PTTG1IP2: variants seen among roughly 807,000 people sequenced by gnomAD.
The protein encoded by PTTG1IP2 is PTTG1IP family member 2.
chr7:90,473,542 T>C (rs185423678), intron 1 of PTTG1IP2, among the ~76,000 whole-genome samples: 1 of 152,302 alleles, frequency 6.6e-6, no homozygotes, highest in East Asian at 1.9e-4. Flanking sequence ...GATGAATTAA[T>C]TGACTGAACT....
intron 2 of PTTG1IP2, among the ~76,000 whole-genome samples, chr7:90,485,328 T>C (rs974199723): frequency 3.9e-5 from 6 of 152,158 alleles, no homozygotes; most frequent in African/African-American, 1.2e-4. Context: ...TCAACTGCAA[T>C]TGGACTTACC....
At chr7:90,481,474 G>A (rs1797814655) in intron 2 of PTTG1IP2, among the ~76,000 whole-genome samples, 1 of 152,018 alleles carries the variant, frequency 6.6e-6, no homozygotes, top group South Asian at 2.1e-4. Context: ...ACTTGCTTTT[G>A]GTTAGCAATA....
At chr7:90,497,715 T>TAAAAAAAAAAAAAAA (rs1261744146) in intron 6 of PTTG1IP2, among the ~76,000 whole-genome samples, 2 of 56,314 alleles carry the variant, frequency 3.6e-5, no homozygotes, top group Non-Finnish European at 6.4e-5. Context: ...AGACCCTGTA[T>TAAAAAAAAAAAAAAA]AAAAAAAAAA....
chr7:90,499,405 A>G (rs1798035378), intron 6 of PTTG1IP2, among the ~76,000 whole-genome samples: 1 of 151,974 alleles, frequency 6.6e-6, no homozygotes, highest in Non-Finnish European at 1.5e-5. Context: ...TTGTTTTCCA[A>G]CTTTTGTACC....
intron 2 of PTTG1IP2, among the ~76,000 whole-genome samples, chr7:90,482,817 A>C (rs1202671923): frequency 6.6e-6 from 1 of 152,088 alleles, no homozygotes; most frequent in Non-Finnish European, 1.5e-5. Flanking sequence ...CCATAATCAC[A>C]TCTTTCTCAC....
At chr7:90,485,367 C>T (rs909854407) in intron 2 of PTTG1IP2, among the ~76,000 whole-genome samples, 3 of 152,148 alleles carry the variant, frequency 2.0e-5, no homozygotes, top group South Asian at 2.1e-4. Flanking sequence ...CTGCCCCCAG[C>T]TCTAAGTCTG....
intron 6 of PTTG1IP2, among the ~76,000 whole-genome samples, chr7:90,499,962 C>T (rs1013093759): frequency 2.0e-5 from 3 of 152,014 alleles, no homozygotes; most frequent in African/African-American, 7.2e-5. Flanking sequence ...GCCTATAATC[C>T]CAGCACTTTG....
At chr7:90,494,636 C>T (rs1797972580) in intron 6 of PTTG1IP2, among the ~76,000 whole-genome samples, 1 of 152,122 alleles carries the variant, frequency 6.6e-6, no homozygotes, top group Non-Finnish European at 1.5e-5. Flanking sequence ...AATCCCAGCA[C>T]TCTGGAAGGC....
At chr7:90,486,387 T>C (rs1435181021) in intron 2 of PTTG1IP2, among the ~76,000 whole-genome samples, 2 of 151,862 alleles carry the variant, frequency 1.3e-5, no homozygotes, top group South Asian at 2.1e-4. Flanking sequence ...TGGATATATA[T>C]ATATAAAGGA....
At chr7:90,509,934 A>C (rs1452289864) in intron 6 of PTTG1IP2, among the ~76,000 whole-genome samples, 1 of 152,238 alleles carries the variant, frequency 6.6e-6, no homozygotes, top group African/African-American at 2.4e-5. Flanking sequence ...GACGCACTTC[A>C]CTAAATAATA....
intron 6 of PTTG1IP2, among the ~76,000 whole-genome samples, chr7:90,505,846 C>T (rs1235971148): frequency 4.0e-5 from 6 of 151,454 alleles, no homozygotes; most frequent in South Asian, 4.2e-4. Flanking sequence ...TAGCCGGGCG[C>T]GGTGGCGGGC....
At chr7:90,506,410 C>G (rs757600621) in intron 6 of PTTG1IP2, among the ~76,000 whole-genome samples, 22 of 152,124 alleles carry the variant, frequency 1.4e-4, no homozygotes, top group Non-Finnish European at 2.8e-4. Context: ...GTGCCATTTT[C>G]TCATAAATAA....
intron 1 of PTTG1IP2, among the ~76,000 whole-genome samples, chr7:90,472,547 T>C (rs1797704270): frequency 6.6e-6 from 1 of 152,224 alleles, no homozygotes. Context: ...CTCTCTTCAT[T>C]TGTTTATTTC....
intron 3 of PTTG1IP2, among the ~76,000 whole-genome samples, chr7:90,488,051 G>A (rs11563535): frequency 0.17 from 26,248 of 151,870 alleles, 2,413 homozygotes; most frequent in East Asian, 0.23. Context: ...CTTTTGGTAC[G>A]TTATACAATA....
intron 2 of PTTG1IP2, among the ~76,000 whole-genome samples, chr7:90,479,509 A>G (rs1797792067): frequency 1.3e-5 from 2 of 152,212 alleles, no homozygotes. Context: ...TTATGCTTCA[A>G]AAAGAAAAGA....
chr7:90,497,563 CAAAAAAAA>C (rs758753541), intron 6 of PTTG1IP2, among the ~76,000 whole-genome samples: 3 of 44,404 alleles, frequency 6.8e-5, no homozygotes, highest in Non-Finnish European at 1.5e-4. Flanking sequence ...GAATCCGTCT[CAAAAAAAA>C]AAAAAAAAAA....
chr7:90,504,151 C>A (rs1467126265), intron 6 of PTTG1IP2, among the ~76,000 whole-genome samples: 1 of 151,788 alleles, frequency 6.6e-6, no homozygotes, highest in African/African-American at 2.4e-5. Flanking sequence ...CCTATTTGTA[C>A]TAAAAATACA....
intron 1 of PTTG1IP2, among the ~76,000 whole-genome samples, chr7:90,476,472 A>G (rs540604617): frequency 3.5e-5 from 5 of 141,228 alleles, no homozygotes; most frequent in Non-Finnish European, 7.4e-5. Flanking sequence ...ATGATGATAG[A>G]AAGATGCATA....
chr7:90,482,758 A>G (rs17869211), intron 2 of PTTG1IP2, among the ~76,000 whole-genome samples: 1 of 151,868 alleles, frequency 6.6e-6, no homozygotes, highest in Non-Finnish European at 1.5e-5. Flanking sequence ...AATGAGCATC[A>G]TAAGACTGTT....
Sources: gnomAD v4.1 joint callset for allele counts (sites outside exome capture counted in the v4.1 genomes callset) on GRCh38, gnomAD v4.1.1 for gene constraint, MANE v1.5 for transcripts, NCBI Gene and HGNC (gene_info 2026-07-23, HGNC 2026-07-21) for gene names.